Variants in PABPC4L observed in about 807,000 individuals in gnomAD.
PABPC4L encodes polyadenylate-binding protein 4-like.
For missense variants in PABPC4L, 452 were observed against 451.4 expected, an observed-to-expected ratio of 1.00 and a Z score of -0.01; for synonymous variants, 169 against 164.1, an observed-to-expected ratio of 1.03 and a Z score of -0.23.
the PABPC4L span, among the ~76,000 whole-genome samples, chr4:134,160,033 C>T: frequency 6.6e-6 from 1 of 152,106 alleles, no homozygotes; most frequent in Admixed American, 6.5e-5. Context: ...ATTCGCTCCC[C>T]TAATGGAATG....
the PABPC4L span, among the ~76,000 whole-genome samples, chr4:134,168,143 C>A: frequency 6.6e-6 from 1 of 151,946 alleles, no homozygotes; most frequent in East Asian, 1.9e-4. Context: ...TATGTAGACA[C>A]ATGTAAATTA....
the PABPC4L span, among the ~76,000 whole-genome samples, chr4:134,098,346 G>A: frequency 1.3e-5 from 2 of 151,850 alleles, no homozygotes; most frequent in Non-Finnish European, 2.9e-5. Context: ...ATGGGGGTAA[G>A]AGTTGTTTGC....
the PABPC4L span, among the ~76,000 whole-genome samples, chr4:134,149,712 TAGTC>T: frequency 2.6e-5 from 4 of 152,154 alleles, no homozygotes; most frequent in East Asian, 5.8e-4. Flanking sequence ...CAGGTGTTCA[TAGTC>T]AGAAAGAAAT....
At chr4:134,084,003 G>A in the PABPC4L span, among the ~76,000 whole-genome samples, 1 of 152,032 alleles carries the variant, frequency 6.6e-6, no homozygotes, top group Non-Finnish European at 1.5e-5. Context: ...TTTATTTTGT[G>A]AAATCATAAG....
At chr4:134,190,310 AGTT>A in the PABPC4L span, among the ~76,000 whole-genome samples, 1 of 152,106 alleles carries the variant, frequency 6.6e-6, no homozygotes. Flanking sequence ...TAAATTTTTT[AGTT>A]GTTGTTAGAA....
At chr4:134,079,578 C>CAAAAAAAAAAAAAAAAAAAAAAAAAA in the PABPC4L span, among the ~76,000 whole-genome samples, 1 of 90,688 alleles carries the variant, frequency 1.1e-5, no homozygotes, top group African/African-American at 4.1e-5. Context: ...GACTTCCTCT[C>CAAAAAAAAAAAAAAAAAAAAAAAAAA]AAAAAAAAAA....
At chr4:134,104,305 C>T in the PABPC4L span, among the ~76,000 whole-genome samples, 1 of 151,600 alleles carries the variant, frequency 6.6e-6, no homozygotes, top group Non-Finnish European at 1.5e-5. Context: ...CTTTCCTTTC[C>T]ACCTGACCAT....
At chr4:133,956,575 T>C in the PABPC4L span, among the ~76,000 whole-genome samples, 1 of 152,148 alleles carries the variant, frequency 6.6e-6, no homozygotes, top group African/African-American at 2.4e-5. Context: ...AAGCGGGTCA[T>C]AAAACCCTCA....
chr4:133,960,142 A>G, the PABPC4L span, among the ~76,000 whole-genome samples: 1 of 152,204 alleles, frequency 6.6e-6, no homozygotes, highest in Non-Finnish European at 1.5e-5. Context: ...TTTTAACTCC[A>G]GAATGACTGT....
the PABPC4L span, among the ~76,000 whole-genome samples, chr4:133,984,589 A>G: frequency 1.3e-5 from 2 of 151,884 alleles, no homozygotes; most frequent in African/African-American, 4.8e-5. Flanking sequence ...AAGTCAGGAT[A>G]ATAAAGAATC....
chr4:134,044,185 G>A, the PABPC4L span, among the ~76,000 whole-genome samples: 1 of 151,908 alleles, frequency 6.6e-6, no homozygotes, highest in Non-Finnish European at 1.5e-5. Flanking sequence ...CCTGCCTTGG[G>A]CCTCCCAAAG....
chr4:134,082,226 T>A, the PABPC4L span, among the ~76,000 whole-genome samples: 2 of 152,312 alleles, frequency 1.3e-5, no homozygotes, highest in Middle Eastern at 3.4e-3. Flanking sequence ...ATCTCATTCA[T>A]CTTCTAGTCT....
At chr4:134,058,900 T>C in the PABPC4L span, among the ~76,000 whole-genome samples, 1 of 152,112 alleles carries the variant, frequency 6.6e-6, no homozygotes, top group East Asian at 1.9e-4. Context: ...TAAATTAGTT[T>C]AGAGTGTTAA....
the PABPC4L span, among the ~76,000 whole-genome samples, chr4:134,004,960 G>C: frequency 1.3e-5 from 2 of 151,806 alleles, no homozygotes; most frequent in African/African-American, 2.4e-5. Context: ...GCGGCAGTGA[G>C]ACGGGGTTGG....
the PABPC4L span, among the ~76,000 whole-genome samples, chr4:133,990,137 AT>A: frequency 4.6e-5 from 7 of 152,148 alleles, no homozygotes; most frequent in African/African-American, 1.7e-4. Context: ...ATCATACTTC[AT>A]TTTTCCACAC....
At chr4:134,037,807 CT>C in the PABPC4L span, among the ~76,000 whole-genome samples, 1 of 151,982 alleles carries the variant, frequency 6.6e-6, no homozygotes, top group African/African-American at 2.4e-5. Context: ...AATTAAATAC[CT>C]TTTATTTCTT....
chr4:134,126,416 T>C, the PABPC4L span, among the ~76,000 whole-genome samples: 1 of 152,134 alleles, frequency 6.6e-6, no homozygotes, highest in Admixed American at 6.6e-5. Context: ...ATATGACTTA[T>C]CAGAGTCTCC....
chr4:134,053,549 C>A, the PABPC4L span, among the ~76,000 whole-genome samples: 2 of 151,984 alleles, frequency 1.3e-5, no homozygotes. Context: ...TTAGGAAAAT[C>A]TTGGATTAAA....
At chr4:134,139,628 A>T in the PABPC4L span, among the ~76,000 whole-genome samples, 4 of 151,898 alleles carry the variant, frequency 2.6e-5, no homozygotes, top group African/African-American at 9.7e-5. Context: ...AGTCATAGAT[A>T]ATTAAGGTGC....
Sources: allele counts gnomAD v4.1 joint callset (sites outside exome capture counted in the v4.1 genomes callset), GRCh38; gene constraint gnomAD v4.1.1; transcripts MANE v1.5; gene names NCBI Gene and HGNC (gene_info 2026-07-23, HGNC 2026-07-21).